The following CMTM3 variants were observed in gnomAD, a reference collection of about 807,000 sequenced individuals.
CMTM3 encodes the protein CKLF-like MARVEL transmembrane domain-containing protein 3.
In CMTM3, 7 loss-of-function variants were observed where a neutral mutation model predicts 18.2. The observed-to-expected ratio is 0.38, with a 90% confidence interval of 0.22 to 0.72. CMTM3 has a LOEUF of 0.72. Ranked by LOEUF, CMTM3 falls within the 30% of genes least tolerant of loss-of-function variation. CMTM3 has a pLI of 0.46. For synonymous variants in CMTM3, 109 were observed against 111.2 expected (o/e 0.98, Z 0.12); for missense variants, 227 against 249.2 (o/e 0.91, Z 0.60).
chr16:66,606,997 G>C (rs2015181394), intron 1 of CMTM3, among the ~76,000 whole-genome samples: 1 of 152,158 alleles, frequency 6.6e-6, no homozygotes, highest in African/African-American at 2.4e-5. Flanking sequence ...CCATCTCTGG[G>C]GCGGAGGTAA....
In CMTM3 at chr16:66,604,873, C is replaced by A; in HGVS notation, c.68C>A (p.Ala23Glu). The change falls in exon 1 of 5, where the codon GCG becomes GAG. Residue 23 changes from alanine to glutamate, a missense_variant. By Grantham distance (107) the Ala-to-Glu change is moderately radical. Coordinates refer to ENST00000567572, the MANE Select transcript of CMTM3 (RefSeq NM_181553.4). The part of the protein sequence containing the change: ...EPAGGSRPGP[A>E]VPGLRALLPA... ...GCCGGCGGCTCCCGTCCCGGCCCCG[C>A]GGTCCCCGGGCTCCGCGCCCTGCTG... 7.1e-7 allele frequency: 1 copy of A among 1,412,440 alleles called. No individual in the cohort carries two copies. Among genetic ancestry groups the A allele is most frequent in the African/African-American group, 1.5e-5 (1 of 66,602 alleles). 87.5% of individuals were successfully genotyped at this position (1,412,440 alleles called of 1,614,324 possible).
rs915524971 is a variant in CMTM3, at chr16:66,609,079, G to A, written c.304-356G>A. On this transcript the variant is annotated intron_variant, in intron 2 of 4. Transcript: ENST00000567572. This position sits in a 1 kb window ranked among gnomAD's most constrained non-coding sequence, Gnocchi z 4.4. ...TCGGCCACAAGAGTGTGACAAAGCC[G>A]AGGCCCAGAGCCAGATCTCCCCAAT... Among the ~76,000 whole-genome samples the A allele has an allele frequency of 2.0e-5, 3 of 152,204 alleles. No homozygotes were observed. Among genetic ancestry groups the A allele is most frequent in the Admixed American group, 6.5e-5 (1 of 15,288 alleles).
In CMTM3 at chr16:66,609,613, C is replaced by A; in HGVS notation, c.399+83C>A. On this transcript the variant is annotated intron_variant, in intron 3 of 4. Coordinates refer to ENST00000567572, the MANE Select transcript of CMTM3 (RefSeq NM_181553.4). This position sits in a 1 kb window ranked among gnomAD's most constrained non-coding sequence, Gnocchi z 4.4. ...GGGTGGGACCTGGGGCAGAGCCTTTCCCTGCTGGGGCCCCCCTGGGGTCTC... is the reference window on the plus strand; with the variant it reads ...GGGTGGGACCTGGGGCAGAGCCTTTACCTGCTGGGGCCCCCCTGGGGTCTC... 6.6e-7 allele frequency: 1 copy of A among 1,518,248 alleles called. No individual in the cohort carries two copies. Among genetic ancestry groups the A allele is most frequent in the Non-Finnish European group, 8.9e-7 (1 of 1,121,664 alleles). 94.0% of individuals were successfully genotyped at this position (1,518,248 alleles called of 1,614,324 possible). A position where few individuals can be genotyped will look rare whatever the true frequency, so the allele number is the denominator to read the frequency against.
chr16:66,609,702 A>G lies in CMTM3; in HGVS notation c.399+172A>G, dbSNP rs2015301297. 1.9e-6 allele frequency: 3 copies of G among 1,547,884 alleles called. No individual in the cohort carries two copies. Among genetic ancestry groups the G allele is most frequent in the Admixed American group, 3.9e-5 (2 of 51,108 alleles). ...AAGACTGACTCTACCCGGGGTTTTG[A>G]AAGGCTGTTTGTCAAACCAAGTTCA... On this transcript the variant is annotated intron_variant, in intron 3 of 4. Coordinates refer to ENST00000567572, the MANE Select transcript of CMTM3 (RefSeq NM_181553.4). This position sits in a 1 kb window ranked among gnomAD's most constrained non-coding sequence, Gnocchi z 4.4.
rs1032033636 is a variant in CMTM3 at position 66,610,909 on chromosome 16, A to G, written c.520+906A>G. 1 of 398,504 alleles carries G rather than the reference A, an allele frequency of 2.5e-6. No individual in the cohort carries two copies. The highest frequency in any genetic ancestry group is 2.1e-5 in the African/African-American group (1 of 48,628). 24.7% of individuals were successfully genotyped at this position (398,504 alleles called of 1,614,324 possible). On this transcript the variant is annotated intron_variant, in intron 4 of 4. Transcript: ENST00000567572. The surrounding 1 kb of genome is among the most constrained non-coding windows in gnomAD (Gnocchi z 4.6). The stretch of plus-strand genomic sequence containing the variant: ...AGAAACCGTCCTTCTGCTGAAAATG[A>G]ATGCCACTCATCCCATCCCGTCCCT...
At position 66,609,370 on chromosome 16, in the gene CMTM3, C is replaced by A; in HGVS notation, c.304-65C>A. The A allele has an allele frequency of 7.0e-7, 1 of 1,433,740 alleles. No individual in the cohort carries two copies. The highest frequency in any genetic ancestry group is 1.2e-5 in the South Asian group (1 of 84,232). 88.8% of individuals were successfully genotyped at this position (1,433,740 alleles called of 1,614,324 possible). The stretch of plus-strand genomic sequence containing the variant: ...GGGGCTGGGAACACGACCAGGCTGC[C>A]AGGCCTCCTCCCCATGCTGTGCTCA... On this transcript the variant is annotated intron_variant, in intron 2 of 4. Coordinates refer to ENST00000567572, the MANE Select transcript of CMTM3 (RefSeq NM_181553.4). This position sits in a 1 kb window ranked among gnomAD's most constrained non-coding sequence, Gnocchi z 4.4.
rs893110700 is a variant in CMTM3, at chr16:66,604,713, T to A, written c.-93T>A. ...CGCCCCTGCGCGAGCCAGTGTCGCC[T>A]GCCCTCCTTCCGCACAGCCCGGGTT... On this transcript the variant is annotated 5_prime_UTR_variant, in exon 1 of 5. Transcript: ENST00000567572. 9.9e-7 allele frequency: 1 copy of A among 1,012,934 alleles called. No individual in the cohort carries two copies. The highest frequency in any genetic ancestry group is 1.3e-6 in the Non-Finnish European group (1 of 797,030). 62.7% of individuals were successfully genotyped at this position (1,012,934 alleles called of 1,614,324 possible).
intron 1 of CMTM3, among the ~76,000 whole-genome samples, chr16:66,606,817 A>G (rs1285694069): frequency 6.6e-6 from 1 of 152,106 alleles, no homozygotes; most frequent in African/African-American, 2.4e-5. Context: ...GCATGGTGAA[A>G]CCCTGTCTCT....
In CMTM3 at chr16:66,605,291, G is replaced by A. The variant is rs1021807928; in HGVS notation, c.147+339G>A. On this transcript the variant is annotated intron_variant, in intron 1 of 4. Coordinates refer to ENST00000567572, the MANE Select transcript of CMTM3 (RefSeq NM_181553.4). This position sits in a 1 kb window ranked among gnomAD's most constrained non-coding sequence, Gnocchi z 4.6. ...TGGGCCCCGGGGACTCGGGCAACTC[G>A]GACCTCCGGGACTCCCGGGCCGCAG... The A allele has an allele frequency of 1.5e-5, 3 of 204,732 alleles. No homozygotes were observed. Among genetic ancestry groups the A allele is most frequent in the African/African-American group, 2.3e-5 (1 of 43,326 alleles). The allele number at this position is 204,732 out of a possible 1,614,324, so 12.7% of individuals were successfully genotyped here.
At position 66,609,433 on chromosome 16, in the gene CMTM3, A is replaced by G. The variant is rs1347619472; in HGVS notation, c.304-2A>G. 1 of 1,612,136 alleles carries G rather than the reference A, an allele frequency of 6.2e-7. No homozygotes were observed. The highest frequency in any genetic ancestry group is 1.7e-5 in the Admixed American group (1 of 59,864). On this transcript the variant is annotated splice_acceptor_variant, in intron 2 of 4. Transcript: ENST00000567572. LOFTEE classifies it high-confidence loss of function. This position sits in a 1 kb window ranked among gnomAD's most constrained non-coding sequence, Gnocchi z 4.4. ...CAGGGCAGCATGCCCCTCTCTCCCC[A>G]GGACTTCCTGCGCTGTGTCACCGCG...
At chr16:66,606,428 T>C (rs967798226) in intron 1 of CMTM3, among the ~76,000 whole-genome samples, 1 of 152,134 alleles carries the variant, frequency 6.6e-6, no homozygotes, top group Non-Finnish European at 1.5e-5. Context: ...CCAGCCCGTC[T>C]CTATGCCTTA....
In CMTM3 at chr16:66,608,547, T is replaced by G; in HGVS notation, c.303+83T>G. Reference sequence around the variant, plus strand: ...GTCCAGAGTCGTGCACTTGGGCCCTTATCCTTTCTCTAGTGTGCTGGAGTT... The same window carrying G: ...GTCCAGAGTCGTGCACTTGGGCCCTGATCCTTTCTCTAGTGTGCTGGAGTT... On this transcript the variant is annotated intron_variant, in intron 2 of 4. Coordinates refer to ENST00000567572, the MANE Select transcript of CMTM3 (RefSeq NM_181553.4). This position sits in a 1 kb window ranked among gnomAD's most constrained non-coding sequence, Gnocchi z 5.1. The G allele has an allele frequency of 1.2e-5, 17 of 1,377,000 alleles. No homozygotes were observed. The highest frequency in any genetic ancestry group is 1.7e-5 in the Non-Finnish European group (17 of 992,378). The allele number at this position is 1,377,000 out of a possible 1,614,324, so 85.3% of individuals were successfully genotyped here. A position where few individuals can be genotyped will look rare whatever the true frequency, so the allele number is the denominator to read the frequency against.
Position 66,609,182 on chromosome 16 carries a change from CCA to C in CMTM3, c.304-248_304-247del, listed in dbSNP as rs935708728. ...ATCGCAGGGCAGGCTGCACCCTGATCCACACAGTTTTTTGCCCAGAGCTTAGG... is the reference window on the plus strand; with the variant it reads ...ATCGCAGGGCAGGCTGCACCCTGATCCACAGTTTTTTGCCCAGAGCTTAGG... On this transcript the variant is annotated intron_variant, in intron 2 of 4. Coordinates refer to ENST00000567572, the MANE Select transcript of CMTM3 (RefSeq NM_181553.4). This position sits in a 1 kb window ranked among gnomAD's most constrained non-coding sequence, Gnocchi z 4.4. 1.8e-4 allele frequency among the ~76,000 whole-genome samples: 27 copies of C among 152,362 alleles called. No individual in the cohort carries two copies. The highest frequency in any genetic ancestry group is 5.5e-4 in the African/African-American group (23 of 41,586).
rs2015251529 is a variant in CMTM3 at position 66,608,617 on chromosome 16, C to T, written c.303+153C>T. ...ATGGAGAGACCCAGCTTCAGATCATCCCAGCTCCACTACTCAGCAGCCCTG... is the reference window on the plus strand; with the variant it reads ...ATGGAGAGACCCAGCTTCAGATCATTCCAGCTCCACTACTCAGCAGCCCTG... On this transcript the variant is annotated intron_variant, in intron 2 of 4. Transcript: ENST00000567572. This position sits in a 1 kb window ranked among gnomAD's most constrained non-coding sequence, Gnocchi z 5.1. Among the ~76,000 whole-genome samples, 1 of 152,186 alleles carries T rather than the reference C, an allele frequency of 6.6e-6. No homozygotes were observed. The highest frequency in any genetic ancestry group is 2.4e-5 in the African/African-American group (1 of 41,436).
rs547967319 is a variant in CMTM3 at position 66,607,673 on chromosome 16, G to A, written c.148-636G>A. On this transcript the variant is annotated intron_variant, in intron 1 of 4. Coordinates refer to ENST00000567572, the MANE Select transcript of CMTM3 (RefSeq NM_181553.4). ...CTTTTTGGAAACTGGTTCCTGCCTC[G>A]CTTTGATTTCCCTCCGCAGGGCACT... Among the ~76,000 whole-genome samples, 9 of 152,180 alleles carry A rather than the reference G, an allele frequency of 5.9e-5. No individual in the cohort carries two copies. The South Asian group carries it at 8.3e-4, about 14-fold the overall frequency.
rs1312537133 is a variant in CMTM3 at position 66,610,566 on chromosome 16, G to A, written c.520+563G>A. On this transcript the variant is annotated intron_variant, in intron 4 of 4. Transcript: ENST00000567572. The surrounding 1 kb of genome is among the most constrained non-coding windows in gnomAD (Gnocchi z 4.6). ...GTGTCAGCTGGCCCGAGGCTCTGGA[G>A]GGGACACTAGAGCTGGGTACTGACA... Among the ~76,000 whole-genome samples, 1 of 152,204 alleles carries A rather than the reference G, an allele frequency of 6.6e-6. No individual in the cohort carries two copies. The highest frequency in any genetic ancestry group is 1.5e-5 in the Non-Finnish European group (1 of 68,028).
At chr16:66,604,998 T>C in intron 1 of CMTM3, 46 bp downstream of exon 1, 2 of 1,409,958 alleles carry the variant, frequency 1.4e-6, no homozygotes, top group Non-Finnish European at 1.8e-6. Flanking sequence ...ACTGCGCGGC[T>C]CCTTTCGGAG....
At position 66,613,154 on chromosome 16, in the gene CMTM3, C is replaced by T. The variant is rs1477328858; in HGVS notation, c.*517C>T. ...CCAAGAATCTTTGGTTCAAGGAGCA[C>T]CAGTTCCCTCTTCATTCTTGAAGCA... is the stretch of plus-strand genomic sequence containing the variant. On this transcript the variant is annotated 3_prime_UTR_variant, in exon 5 of 5. Transcript: ENST00000567572. 5 of 702,852 alleles carry T rather than the reference C, an allele frequency of 7.1e-6. No individual in the cohort carries two copies. Among genetic ancestry groups the T allele is most frequent in the Non-Finnish European group, 1.3e-5 (5 of 384,944 alleles). 43.5% of individuals were successfully genotyped at this position (702,852 alleles called of 1,614,324 possible).
Position 66,609,676 on chromosome 16 carries a change from A to T in CMTM3, c.399+146A>T, listed in dbSNP as rs1338826661. On this transcript the variant is annotated intron_variant, in intron 3 of 4. Transcript: ENST00000567572. This position sits in a 1 kb window ranked among gnomAD's most constrained non-coding sequence, Gnocchi z 4.4. ...ATGATGATTCCAAAGTCCTCTCATT[A>T]AAGACTGACTCTACCCGGGGTTTTG... 3 of 1,536,736 alleles carry T rather than the reference A, an allele frequency of 2.0e-6. No individual in the cohort carries two copies. The highest frequency in any genetic ancestry group is 2.6e-6 in the Non-Finnish European group (3 of 1,140,484).
Sources: allele counts gnomAD v4.1 joint callset (sites outside exome capture counted in the v4.1 genomes callset), GRCh38; gene constraint gnomAD v4.1.1; non-coding constraint Gnocchi (gnomAD v3.1); transcripts MANE v1.5; gene names NCBI Gene and HGNC (gene_info 2026-07-23, HGNC 2026-07-21).